The following ARHGAP44 variants were observed in gnomAD, a reference collection of about 807,000 sequenced individuals.
ARHGAP44 encodes rho GTPase-activating protein 44.
In ARHGAP44, 43 loss-of-function variants were observed where a neutral mutation model predicts 106.8. The ratio of observed to expected loss-of-function variants is 0.40; its 90% CI spans 0.32 to 0.52. The LOEUF (loss-of-function observed/expected upper bound fraction) is 0.52. Among genes scored for constraint, ARHGAP44 ranks in the 20% least tolerant of loss-of-function variants. The pLI is 0.48. For synonymous variants in ARHGAP44, 439 were observed against 410.3 expected (o/e 1.07, Z -0.85); for missense variants, 866 against 1,050.5 (o/e 0.82, Z 2.43).
chr17:12,952,726 T>A, intron 13 of ARHGAP44, 145 bp downstream of exon 13: 2 of 94,084 alleles, frequency 2.1e-5, no homozygotes, highest in Non-Finnish European at 1.6e-5. Flanking sequence ...TGGTCTCTTT[T>A]TTTTTTTTTT....
chr17:12,899,495 C>G (rs139076361), intron 3 of ARHGAP44, among the ~76,000 whole-genome samples: 46 of 151,852 alleles, frequency 3.0e-4, no homozygotes, highest in African/African-American at 1.1e-3. Flanking sequence ...TAAATCACCT[C>G]AAATACTGAA....
At chr17:12,830,839 T>C (rs4791508) in intron 1 of ARHGAP44, among the ~76,000 whole-genome samples, 54,079 of 152,158 alleles carry the variant, frequency 0.36, 13,329 homozygotes, top group African/African-American at 0.7. Flanking sequence ...CAAGCTTAGC[T>C]TGTATCCCTT....
At position 12,974,113 on chromosome 17, in the gene ARHGAP44, A is replaced by C. The variant is rs1486406138; in HGVS notation, c.1566A>C (p.Thr522=). ...IQSMGVRVMD[T]NWVARRGSSA... is the part of the protein sequence containing the mutation. ...GCATGGGTGTGAGGGTCATGGACAC[A>C]AACTGGGTGGCTCGAAGAGGCTCCT... Residue 522 remains threonine (T), a synonymous_variant, in exon 18 of 21, where the codon ACA becomes ACC. Transcript: ENST00000379672. 6.4e-7 allele frequency: 1 copy of C among 1,571,714 alleles called. No homozygotes were observed. Among genetic ancestry groups the C allele is most frequent in the East Asian group, 2.3e-5 (1 of 42,574 alleles).
chr17:12,845,630 G>A lies in ARHGAP44; in HGVS notation c.54-49310G>A, dbSNP rs143500821. On this transcript the variant is annotated intron_variant, in intron 1 of 20. Transcript: ENST00000379672. ...CTGTACCTGTAAATCTTTGCGCATA[G>A]TAGGCTCTTGGTTTCTATTAACTAA... Among the ~76,000 whole-genome samples the A allele has an allele frequency of 6.1e-3, 927 of 152,112 alleles. 14 individuals are homozygous for A. Among genetic ancestry groups the A allele is most frequent in the African/African-American group, 0.022 (894 of 41,474 alleles).
At chr17:12,860,944 C>T (rs1268202664) in intron 1 of ARHGAP44, among the ~76,000 whole-genome samples, 1 of 151,246 alleles carries the variant, frequency 6.6e-6, no homozygotes, top group Non-Finnish European at 1.5e-5. Flanking sequence ...GCAACCTCCA[C>T]CTCCAGGGTT....
intron 8 of ARHGAP44, 132 bp downstream of exon 8, chr17:12,941,256 A>G: frequency 2.7e-6 from 2 of 735,624 alleles, no homozygotes; most frequent in Non-Finnish European, 2.2e-6. Context: ...TACTAGTGAA[A>G]TAAATCCTGC....
chr17:12,942,017 G>T (rs2038723843), intron 8 of ARHGAP44, among the ~76,000 whole-genome samples: 1 of 152,216 alleles, frequency 6.6e-6, no homozygotes, highest in South Asian at 2.1e-4. Context: ...GATAAGTATG[G>T]TCAAACAACT....
chr17:12,940,945 A>G, intron 7 of ARHGAP44, 111 bp from the exon 8 acceptor site: 2 of 812,502 alleles, frequency 2.5e-6, no homozygotes, highest in Middle Eastern at 2.7e-4. Context: ...AGTATTAAAA[A>G]GGAGATTAAG....
chr17:12,797,559 T>C, intron 1 of ARHGAP44, among the ~76,000 whole-genome samples: 1 of 152,136 alleles, frequency 6.6e-6, no homozygotes, highest in East Asian at 1.9e-4. Context: ...ACCCCGTCCA[T>C]TGGGTGGGAG....
In ARHGAP44 at chr17:12,968,583, A is replaced by G. The variant is rs536953771; in HGVS notation, c.1524-4719A>G. Among the ~76,000 whole-genome samples the G allele has an allele frequency of 4.6e-5, 7 of 151,858 alleles. No homozygotes were observed. In the South Asian group the frequency reaches 1.5e-3, roughly 32 times the overall value. On this transcript the variant is annotated intron_variant, in intron 16 of 20. Coordinates refer to ENST00000379672, the MANE Select transcript of ARHGAP44 (RefSeq NM_014859.6). Reference sequence around the variant, plus strand: ...TATTTGTTTGTTCCTTAAGCTTGGAATCATCTAAGTAGCATTTTAGCAAGC... The same window carrying G: ...TATTTGTTTGTTCCTTAAGCTTGGAGTCATCTAAGTAGCATTTTAGCAAGC...
rs553821476 is a variant in ARHGAP44 at position 12,825,277 on chromosome 17, A to G, written c.53+35386A>G. 4.3e-4 allele frequency among the ~76,000 whole-genome samples: 66 copies of G among 152,190 alleles called. 1 individual carries two copies. Among genetic ancestry groups the G allele is most frequent in the Admixed American group, 9.8e-4 (15 of 15,276 alleles). On this transcript the variant is annotated intron_variant, in intron 1 of 20. Transcript: ENST00000379672. ...GGTCTCGATCTCCTGGACTCAAGCC[A>G]TCTTCCCACCTTGGCCTCCCAAAGT...
intron 3 of ARHGAP44, among the ~76,000 whole-genome samples, chr17:12,898,146 G>T (rs948109091): frequency 6.6e-6 from 1 of 152,052 alleles, no homozygotes; most frequent in Admixed American, 6.6e-5. Flanking sequence ...GGGGACTGTG[G>T]GCCAGAGCCT....
chr17:12,804,189 A>C (rs2034204297), intron 1 of ARHGAP44, among the ~76,000 whole-genome samples: 1 of 152,204 alleles, frequency 6.6e-6, no homozygotes, highest in African/African-American at 2.4e-5. Flanking sequence ...TTCACAAACC[A>C]AAGAGGAGAC....
chr17:12,987,246 A>C, intron 20 of ARHGAP44: 1 of 1,128,396 alleles, frequency 8.9e-7, no homozygotes, highest in Non-Finnish European at 1.2e-6. Context: ...CATGTGGCTC[A>C]GACCATTTGC....
chr17:12,872,052 C>T (rs1195255862), intron 1 of ARHGAP44, among the ~76,000 whole-genome samples: 1 of 152,148 alleles, frequency 6.6e-6, no homozygotes, highest in Admixed American at 6.5e-5. Flanking sequence ...ATACCTATTC[C>T]ATATAAAGGA....
Position 12,932,680 on chromosome 17 carries a change from A to T in ARHGAP44, c.582+3634A>T, listed in dbSNP as rs113982097. Among the ~76,000 whole-genome samples, 729 of 151,290 alleles carry T rather than the reference A, an allele frequency of 4.8e-3. 26 individuals carry two copies. The South Asian group carries it at 0.092, about 19-fold the overall frequency. On this transcript the variant is annotated intron_variant, in intron 7 of 20. Coordinates refer to ENST00000379672, the MANE Select transcript of ARHGAP44 (RefSeq NM_014859.6). ...TAATACATCTGAAATTTATTTTTGT[A>T]TATGATGTGAGGTAGGGGTTTCTTT... is the stretch of plus-strand genomic sequence containing the variant.
In ARHGAP44 at chr17:12,816,463, T is replaced by G. The variant is rs78467078; in HGVS notation, c.53+26572T>G. Among the ~76,000 whole-genome samples, 737 of 151,792 alleles carry G rather than the reference T, an allele frequency of 4.9e-3. 25 individuals carry two copies. The East Asian group carries it at 0.069, about 14-fold the overall frequency. On this transcript the variant is annotated intron_variant, in intron 1 of 20. Coordinates refer to ENST00000379672, the MANE Select transcript of ARHGAP44 (RefSeq NM_014859.6). ...GGAAAGTCATAAATCTTAAATATGA[T>G]AAAAAGGATGAAAATTGGAAAGGAG... is the stretch of plus-strand genomic sequence containing the variant.
chr17:12,841,064 G>A (rs2035376609), intron 1 of ARHGAP44, among the ~76,000 whole-genome samples: 1 of 152,134 alleles, frequency 6.6e-6, no homozygotes, highest in African/African-American at 2.4e-5. Context: ...AGCAAGGATG[G>A]GAAAGCCCCT....
At chr17:12,827,676 A>G (rs965444637) in intron 1 of ARHGAP44, among the ~76,000 whole-genome samples, 1 of 152,130 alleles carries the variant, frequency 6.6e-6, no homozygotes, top group Admixed American at 6.5e-5. Context: ...TCTATATTTC[A>G]TGGTTTATAT....
Sources: gnomAD v4.1 joint callset for allele counts (sites outside exome capture counted in the v4.1 genomes callset) on GRCh38, gnomAD v4.1.1 for gene constraint, MANE v1.5 for transcripts, NCBI Gene and HGNC (gene_info 2026-07-23, HGNC 2026-07-21) for gene names.